Variants in GRAMD1A observed in about 807,000 individuals in gnomAD.
The protein encoded by GRAMD1A is protein Aster-A.
A neutral mutation model predicts 92.0 loss-of-function variants in GRAMD1A; 50 were observed. That is an observed-to-expected ratio of 0.54 (90% CI 0.43 to 0.69). GRAMD1A has a LOEUF of 0.69. Ranked by LOEUF, GRAMD1A falls within the 30% of genes least tolerant of loss-of-function variation. GRAMD1A has a pLI of 0.00. For synonymous variants in GRAMD1A, 405 were observed against 403.6 expected, an observed-to-expected ratio of 1.00 and a Z score of -0.04; for missense variants, 819 against 978.9, an observed-to-expected ratio of 0.84 and a Z score of 2.18.
At chr19:34,994,765 T>A (rs1346322051), upstream of GRAMD1A, 1 of 152,278 alleles carries the variant, frequency 6.6e-6, no homozygotes, top group East Asian at 1.9e-4. Flanking sequence ...AAGTGCCTGG[T>A]CTACCGCCCT....
In GRAMD1A at chr19:35,026,168, C is replaced by T. The variant is rs772403122; in HGVS notation, c.*27C>T. On this transcript the variant is annotated 3_prime_UTR_variant, in exon 20 of 20. Transcript: ENST00000317991. Reference sequence around the variant, plus strand: ...GACCCCGGCCACGCAGCTGTTCCCCCACATGGACAGATGGACACACAGAGC... The same window carrying T: ...GACCCCGGCCACGCAGCTGTTCCCCTACATGGACAGATGGACACACAGAGC... 8.6e-7 allele frequency: 1 copy of T among 1,161,524 alleles called. No individual in the cohort carries two copies. Among genetic ancestry groups the T allele is most frequent in the East Asian group, 2.3e-5 (1 of 42,760 alleles). The allele number at this position is 1,161,524 out of a possible 1,614,324, so 72.0% of individuals were successfully genotyped here.
chr19:35,006,683 C>A (rs1250072971), intron 1 of GRAMD1A, among the ~76,000 whole-genome samples: 2 of 152,210 alleles, frequency 1.3e-5, no homozygotes, highest in Admixed American at 1.3e-4. Flanking sequence ...AGCCAGCGTG[C>A]AGATTATTCA....
At chr19:35,025,579 G>A (rs1003427607) in intron 19 of GRAMD1A, among the ~76,000 whole-genome samples, 2 of 152,146 alleles carry the variant, frequency 1.3e-5, no homozygotes, top group African/African-American at 2.4e-5. Flanking sequence ...GGCGATATGA[G>A]GCATCCAGAG....
chr19:35,017,162 G>A (rs2015698544), intron 11 of GRAMD1A, among the ~76,000 whole-genome samples: 1 of 142,280 alleles, frequency 7.0e-6, no homozygotes, highest in South Asian at 2.2e-4. Flanking sequence ...GTGACAGAGA[G>A]AGACTCCATT....
upstream of GRAMD1A, among the ~76,000 whole-genome samples, chr19:34,996,716 G>A (rs181709080): frequency 3.3e-5 from 5 of 151,942 alleles, no homozygotes; most frequent in South Asian, 2.1e-4. Context: ...TGGGGCAGGC[G>A]GTTTGCTTGA....
At position 35,021,662 on chromosome 19, in the gene GRAMD1A, A is replaced by C. The variant is rs377054753; in HGVS notation, c.1580-29A>C. On this transcript the variant is annotated intron_variant, in intron 14 of 19. Transcript: ENST00000317991. This position sits in a 1 kb window ranked among gnomAD's most constrained non-coding sequence, Gnocchi z 5.3. ...TGGGGGATGGCCTGGCCAGGTATGG[A>C]CATCCAGAGCCCCCTCTCTTTTACG... The C allele has an allele frequency of 4.1e-4, 660 of 1,613,792 alleles. No individual in the cohort carries two copies. Among genetic ancestry groups the C allele is most frequent in the Non-Finnish European group, 5.4e-4 (635 of 1,179,828 alleles).
At chr19:35,024,101 A>G (rs1179971491) in intron 19 of GRAMD1A, among the ~76,000 whole-genome samples, 1 of 152,250 alleles carries the variant, frequency 6.6e-6, no homozygotes, top group Admixed American at 6.5e-5. Flanking sequence ...CCAGACACCC[A>G]GTGTAGTTCA....
At chr19:34,996,271 G>T (rs1334830431), upstream of GRAMD1A, 2 of 1,532,454 alleles carry the variant, frequency 1.3e-6, no homozygotes, top group Admixed American at 3.9e-5. Flanking sequence ...TGCCAGACCC[G>T]CAGAGTCTGT....
At chr19:35,011,323 C>G in intron 6 of GRAMD1A, 151 bp from the exon 7 acceptor site, 1 of 746,666 alleles carries the variant, frequency 1.3e-6, no homozygotes. Context: ...GGGCGCAGGA[C>G]AGACGTTTTG....
Position 35,000,345 on chromosome 19 carries a change from G to A in GRAMD1A, c.-134G>A, listed in dbSNP as rs1204948536. On this transcript the variant is annotated 5_prime_UTR_variant, in exon 1 of 20. Coordinates refer to ENST00000317991, the MANE Select transcript of GRAMD1A (RefSeq NM_020895.5). This position sits in a 1 kb window ranked among gnomAD's most constrained non-coding sequence, Gnocchi z 4.9. ...GGCCTTTTGTGCGGGCGGTTGGGTC[G>A]GGTGGGGGCGGCGGCCGCGGAAGGC... 3 of 1,079,748 alleles carry A rather than the reference G, an allele frequency of 2.8e-6. No individual in the cohort carries two copies. The highest frequency in any genetic ancestry group is 6.7e-5 in the East Asian group (1 of 14,934). The allele number at this position is 1,079,748 out of a possible 1,614,324, so 66.9% of individuals were successfully genotyped here.
chr19:35,024,781 C>T (rs1185941882), intron 19 of GRAMD1A: 3 of 152,136 alleles, frequency 2.0e-5, no homozygotes, highest in African/African-American at 7.2e-5. Context: ...GGCCCCCCAT[C>T]CTGCGTTATT....
At chr19:34,996,004 G>A (rs748005713), upstream of GRAMD1A, 33 of 1,519,728 alleles carry the variant, frequency 2.2e-5, no homozygotes, top group South Asian at 2.0e-4. Context: ...AGACCACACC[G>A]CTGTTCCAGA....
At chr19:35,005,925 C>A (rs1568318630) in intron 1 of GRAMD1A, 1 of 456,208 alleles carries the variant, frequency 2.2e-6, no homozygotes, top group Non-Finnish European at 4.4e-6. Flanking sequence ...TATGTTAAGG[C>A]TTGGAGGTAA....
upstream of GRAMD1A, among the ~76,000 whole-genome samples, chr19:34,998,779 G>T (rs1167275609): frequency 6.8e-6 from 1 of 147,922 alleles, no homozygotes; most frequent in Non-Finnish European, 1.5e-5. Context: ...AGAGGTGGGG[G>T]TTAGCATGAG....
At position 35,021,765 on chromosome 19, in the gene GRAMD1A, C is replaced by T; in HGVS notation, c.1654C>T (p.Leu552=). 2 of 1,613,274 alleles carry T rather than the reference C, an allele frequency of 1.2e-6. No homozygotes were observed. The highest frequency in any genetic ancestry group is 2.2e-5 in the East Asian group (1 of 44,890). The change falls in exon 15 of 20, where the codon CTG becomes TTG. Residue 552 remains leucine (L), a synonymous_variant. Transcript: ENST00000317991. The surrounding 1 kb of genome is among the most constrained non-coding windows in gnomAD (Gnocchi z 5.3). ...GGATGCCCGGGGCTTGCTATCCGGC[C>T]TGCGGCGGCGGAAGCGGCCCCTGAG... is the stretch of plus-strand genomic sequence containing the variant. ...GKDARGLLSG[L]RRRKRPLSWR... is the part of the protein sequence containing the mutation.
At chr19:34,998,117 A>C (rs918945912), upstream of GRAMD1A, 2 of 150,338 alleles carry the variant, frequency 1.3e-5, no homozygotes, top group African/African-American at 2.4e-5. Context: ...CACCAACTGC[A>C]TGGCAGGCAG....
At position 35,019,321 on chromosome 19, in the gene GRAMD1A, G is replaced by A. The variant is rs764704970; in HGVS notation, c.1332+12G>A. The A allele has an allele frequency of 1.7e-5, 28 of 1,612,052 alleles. No individual in the cohort carries two copies. Among genetic ancestry groups the A allele is most frequent in the Non-Finnish European group, 2.4e-5 (28 of 1,178,772 alleles). On this transcript the variant is annotated intron_variant, in intron 12 of 19. Coordinates refer to ENST00000317991, the MANE Select transcript of GRAMD1A (RefSeq NM_020895.5). ...TGGTGGAGACACAGGTGGGCCAGGT[G>A]GGGCAGCCGAGTGGGTGGGGCAGCT...
At chr19:34,999,858 G>C (rs934716077), upstream of GRAMD1A, 1 of 183,366 alleles carries the variant, frequency 5.5e-6, no homozygotes. Flanking sequence ...CAGAGACTGG[G>C]AGAGGGAAGG....
rs1568334656 is a variant in GRAMD1A at position 35,019,192 on chromosome 19, C to CGTGA, written c.1216_1219dup (p.Thr407SerfsTer91). ...TCATGCTGCTCCTCCCTCCTCTAGA[C>CGTGA]GTGACGCTGAGCCCCTGGAGTGGGG... On this transcript the variant is annotated frameshift_variant and splice_region_variant, in exon 12 of 20. Coordinates refer to ENST00000317991, the MANE Select transcript of GRAMD1A (RefSeq NM_020895.5). LOFTEE classifies it high-confidence loss of function. 1 of 1,600,280 alleles carries CGTGA rather than the reference C, an allele frequency of 6.2e-7. No homozygotes were observed. The highest frequency in any genetic ancestry group is 8.6e-7 in the Non-Finnish European group (1 of 1,168,922).
Sources: allele counts gnomAD v4.1 joint callset (sites outside exome capture counted in the v4.1 genomes callset), GRCh38; gene constraint gnomAD v4.1.1; non-coding constraint Gnocchi (gnomAD v3.1); transcripts MANE v1.5; gene names NCBI Gene and HGNC (gene_info 2026-07-23, HGNC 2026-07-21).